Variants in DPP10 observed in about 807,000 individuals in gnomAD.
The protein encoded by DPP10 is dipeptidyl peptidase like 10.
DPP10 carries 33 observed loss-of-function variants against 120.9 expected under a neutral mutation model. The ratio of observed to expected loss-of-function variants is 0.27; its 90% CI spans 0.21 to 0.37. The LOEUF (loss-of-function observed/expected upper bound fraction) is 0.37, where lower values mean the gene tolerates loss of function less well. Among genes scored for constraint, DPP10 ranks in the 10% least tolerant of loss-of-function variants. The pLI, the probability that DPP10 is intolerant of heterozygous loss-of-function variation, is 1.00. For missense variants in DPP10, 816 were observed against 942.8 expected (o/e 0.87, Z 1.76); for synonymous variants, 337 against 326.1 (o/e 1.03, Z -0.36).
intron 1 of DPP10, among the ~76,000 whole-genome samples, chr2:114,791,924 A>T (rs1683283986): frequency 6.6e-6 from 1 of 152,206 alleles, no homozygotes; most frequent in African/African-American, 2.4e-5. Flanking sequence ...TGTATCACTG[A>T]ATCAGCCTTC....
intron 1 of DPP10, among the ~76,000 whole-genome samples, chr2:115,033,151 A>T (rs1427110914): frequency 6.6e-6 from 1 of 152,118 alleles, no homozygotes; most frequent in Non-Finnish European, 1.5e-5. Flanking sequence ...TAGTACTATT[A>T]TCTCCCCATT....
chr2:115,251,765 T>C (rs1361559777), intron 1 of DPP10, among the ~76,000 whole-genome samples: 1 of 152,236 alleles, frequency 6.6e-6, no homozygotes, highest in Non-Finnish European at 1.5e-5. Context: ...TGAGGAGTCA[T>C]AAATATGATA....
chr2:114,884,197 G>A (rs1691870838), intron 1 of DPP10, among the ~76,000 whole-genome samples: 1 of 152,124 alleles, frequency 6.6e-6, no homozygotes, highest in Admixed American at 6.5e-5. Flanking sequence ...AGGAAAAAGG[G>A]CCTCTACTGT....
At chr2:115,450,499 A>G (rs184702462) in intron 3 of DPP10, among the ~76,000 whole-genome samples, 73 of 152,098 alleles carry the variant, frequency 4.8e-4, no homozygotes, top group Admixed American at 8.5e-4. Flanking sequence ...AAACACAGTG[A>G]ATAAACATCA....
chr2:114,556,746 A>G (rs1390208204), intron 1 of DPP10, among the ~76,000 whole-genome samples: 1 of 152,180 alleles, frequency 6.6e-6, no homozygotes, highest in Non-Finnish European at 1.5e-5. Context: ...CTAATAGATG[A>G]TGGAGTCCCA....
At chr2:114,559,376 G>A (rs1168962494) in intron 1 of DPP10, among the ~76,000 whole-genome samples, 4 of 152,134 alleles carry the variant, frequency 2.6e-5, no homozygotes, top group Non-Finnish European at 1.5e-5. Flanking sequence ...ACAACCCCTA[G>A]AAGTCAGAAA....
At chr2:114,749,188 T>TGATG (rs1180269499) in intron 1 of DPP10, among the ~76,000 whole-genome samples, 1 of 149,036 alleles carries the variant, frequency 6.7e-6, no homozygotes, top group Admixed American at 6.7e-5. Flanking sequence ...GTTTTTTGGC[T>TGATG]GCATAAATGT....
intron 10 of DPP10, among the ~76,000 whole-genome samples, chr2:115,752,588 G>A (rs1393340223): frequency 1.3e-5 from 2 of 152,062 alleles, no homozygotes; most frequent in Non-Finnish European, 2.9e-5. Context: ...CTGGTCCTTG[G>A]TCTACAACTG....
chr2:115,145,638 A>C (rs968495213), intron 1 of DPP10, among the ~76,000 whole-genome samples: 6 of 152,154 alleles, frequency 3.9e-5, no homozygotes, highest in Admixed American at 2.0e-4. Flanking sequence ...ATGTGGACAT[A>C]CGTTTTTAAT....
At chr2:115,827,666 G>A (rs1688516633) in intron 21 of DPP10, among the ~76,000 whole-genome samples, 1 of 150,842 alleles carries the variant, frequency 6.6e-6, no homozygotes. Flanking sequence ...TGTGATCTCG[G>A]CTCACTGCAA....
At chr2:114,841,846 G>C (rs766076991) in intron 1 of DPP10, among the ~76,000 whole-genome samples, 12 of 152,124 alleles carry the variant, frequency 7.9e-5, no homozygotes, top group Non-Finnish European at 1.6e-4. Context: ...AATTGGTTAG[G>C]TGGAGAGAAG....
At chr2:114,810,691 G>A (rs1178602686) in intron 1 of DPP10, among the ~76,000 whole-genome samples, 1 of 152,020 alleles carries the variant, frequency 6.6e-6, no homozygotes, top group African/African-American at 2.4e-5. Flanking sequence ...TTACTATATT[G>A]GTGTTATTTT....
At chr2:115,363,701 C>T (rs185749944) in intron 3 of DPP10, among the ~76,000 whole-genome samples, 2 of 152,312 alleles carry the variant, frequency 1.3e-5, no homozygotes, top group Admixed American at 1.3e-4. Flanking sequence ...CCACTTAAAA[C>T]ATTCTTGACT....
chr2:115,506,070 C>T (rs1270127186), intron 4 of DPP10, among the ~76,000 whole-genome samples: 1 of 151,898 alleles, frequency 6.6e-6, no homozygotes, highest in Non-Finnish European at 1.5e-5. Flanking sequence ...TTTCGAGAAA[C>T]TTTTCAAGCT....
intron 1 of DPP10, among the ~76,000 whole-genome samples, chr2:114,586,351 A>G (rs566013488): frequency 5.3e-4 from 80 of 152,322 alleles, no homozygotes; most frequent in African/African-American, 1.8e-3. Context: ...TATTTGCCAT[A>G]TAATATGGGA....
chr2:114,556,851 G>C (rs1234166390), intron 1 of DPP10, among the ~76,000 whole-genome samples: 1 of 152,066 alleles, frequency 6.6e-6, no homozygotes, highest in Admixed American at 6.5e-5. Flanking sequence ...TTGCTGAAAA[G>C]GTAAGATGAC....
chr2:115,417,082 T>C (rs1252718529), intron 3 of DPP10, among the ~76,000 whole-genome samples: 3 of 152,184 alleles, frequency 2.0e-5, no homozygotes. Flanking sequence ...AAGACTGATA[T>C]GATCTTACTG....
intron 5 of DPP10, among the ~76,000 whole-genome samples, chr2:115,648,808 T>C (rs1046819547): frequency 6.6e-6 from 1 of 151,926 alleles, no homozygotes; most frequent in African/African-American, 2.4e-5. Context: ...TCCAACCCAG[T>C]TGGAAAGCAA....
intron 1 of DPP10, among the ~76,000 whole-genome samples, chr2:114,598,634 G>T (rs1043297893): frequency 6.6e-6 from 1 of 151,828 alleles, no homozygotes; most frequent in Non-Finnish European, 1.5e-5. Context: ...TATGCTCTAG[G>T]TCAGAAGCAC....
Sources: allele counts gnomAD v4.1 joint callset (sites outside exome capture counted in the v4.1 genomes callset), GRCh38; gene constraint gnomAD v4.1.1; transcripts MANE v1.5; gene names NCBI Gene and HGNC (gene_info 2026-07-23, HGNC 2026-07-21).